HTR7: variants seen among roughly 807,000 people sequenced by gnomAD.
The protein encoded by HTR7 is 5-HT-7.
HTR7 carries 16 observed loss-of-function variants against 34.0 expected under a neutral mutation model. The observed-to-expected ratio is 0.47, with a 90% CI of 0.32 to 0.71. HTR7 has a LOEUF of 0.71. Ranked by LOEUF, HTR7 falls within the 30% of genes least tolerant of loss-of-function variation. The pLI, the probability that HTR7 is intolerant of heterozygous loss-of-function variation, is 0.04. For synonymous variants in HTR7, 265 were observed against 260.2 expected, an observed-to-expected ratio of 1.02 and a Z score of -0.18; for missense variants, 504 against 625.5, an observed-to-expected ratio of 0.81 and a Z score of 2.07.
At chr10:90,756,826 G>A (rs1281704962) in intron 1 of HTR7, among the ~76,000 whole-genome samples, 2 of 150,660 alleles carry the variant, frequency 1.3e-5, no homozygotes, top group African/African-American at 4.9e-5. Flanking sequence ...ACACCACCAA[G>A]GAAAACCCTG....
rs528442305 is a variant in HTR7 at position 90,751,256 on chromosome 10, C to T, written c.540-1662G>A. On this transcript the variant is annotated intron_variant, in intron 1 of 3. Transcript: ENST00000336152. ...GCAAGAATAAGAGCTAAGAAAAAGG[C>T]GGGCAGTGCGGGGGAAAGTAACTCA... Among the ~76,000 whole-genome samples the T allele has an allele frequency of 3.3e-5, 5 of 151,988 alleles. No individual in the cohort carries two copies. The South Asian group carries it at 6.2e-4, about 19-fold the overall frequency.
intron 1 of HTR7, among the ~76,000 whole-genome samples, chr10:90,804,628 G>T (rs1339997002): frequency 6.6e-6 from 1 of 152,102 alleles, no homozygotes; most frequent in Non-Finnish European, 1.5e-5. Context: ...GAGTTCAAAG[G>T]CCAGAAATAT....
chr10:90,785,332 GTGTT>G (rs2119859622), intron 1 of HTR7, among the ~76,000 whole-genome samples: 1 of 152,070 alleles, frequency 6.6e-6, no homozygotes, highest in East Asian at 1.9e-4. Flanking sequence ...AACATCAAAA[GTGTT>G]TGATCACTCA....
chr10:90,828,144 C>A (rs1056939355), intron 1 of HTR7, among the ~76,000 whole-genome samples: 22 of 152,010 alleles, frequency 1.4e-4, no homozygotes, highest in African/African-American at 5.1e-4. Flanking sequence ...AGAAGCAAAT[C>A]AAAAAATTTA....
chr10:90,848,626 C>A (rs112209380), intron 1 of HTR7, among the ~76,000 whole-genome samples: 1 of 152,084 alleles, frequency 6.6e-6, no homozygotes, highest in Admixed American at 6.5e-5. Flanking sequence ...TTGAATAAAT[C>A]GACCATAAGT....
intron 1 of HTR7, among the ~76,000 whole-genome samples, chr10:90,821,071 C>A (rs1213495854): frequency 2.0e-5 from 3 of 151,834 alleles, no homozygotes; most frequent in Non-Finnish European, 4.4e-5. Context: ...CACCAATCAT[C>A]CTCCCTGAAG....
At chr10:90,851,036 G>T (rs1262292391) in intron 1 of HTR7, among the ~76,000 whole-genome samples, 1 of 151,630 alleles carries the variant, frequency 6.6e-6, no homozygotes, top group African/African-American at 2.4e-5. Flanking sequence ...CCCAAACAGG[G>T]TTAACAGTAA....
At chr10:90,787,566 G>A (rs1324671575) in intron 1 of HTR7, among the ~76,000 whole-genome samples, 1 of 152,058 alleles carries the variant, frequency 6.6e-6, no homozygotes, top group Admixed American at 6.5e-5. Context: ...GGTAGCTGTG[G>A]GTGGGGATTT....
In HTR7 at chr10:90,857,124, G is replaced by A. The variant is rs991474663; in HGVS notation, c.539+9C>T. The A allele has an allele frequency of 6.4e-7, 1 of 1,559,126 alleles. No individual in the cohort carries two copies. Among genetic ancestry groups the A allele is most frequent in the African/African-American group, 1.4e-5 (1 of 73,932 alleles). ...GCCGGAGCCTGGGACGGGGCGGTCC[G>A]GCCCTTACCTGTCAATGCTGATCAC... On this transcript the variant is annotated intron_variant, in intron 1 of 3. Coordinates refer to ENST00000336152, the MANE Select transcript of HTR7 (RefSeq NM_019859.4). This position sits in a 1 kb window ranked among gnomAD's most constrained non-coding sequence, Gnocchi z 6.5.
chr10:90,792,908 GAAC>G (rs761749697), intron 1 of HTR7, among the ~76,000 whole-genome samples: 61 of 151,716 alleles, frequency 4.0e-4, no homozygotes, highest in Non-Finnish European at 7.1e-4. Context: ...CAAAAAAAAT[GAAC>G]TGAAGACCTA....
At chr10:90,784,922 T>C (rs999212821) in intron 1 of HTR7, among the ~76,000 whole-genome samples, 2 of 152,212 alleles carry the variant, frequency 1.3e-5, no homozygotes, top group African/African-American at 2.4e-5. Flanking sequence ...GCTTCCACCA[T>C]TGCACAGGCT....
intron 1 of HTR7, among the ~76,000 whole-genome samples, chr10:90,852,274 T>C (rs987510717): frequency 4.0e-5 from 6 of 150,786 alleles, no homozygotes; most frequent in Non-Finnish European, 7.4e-5. Flanking sequence ...AAGAAAATGA[T>C]CTCAGATGAA....
intron 1 of HTR7, among the ~76,000 whole-genome samples, chr10:90,823,823 T>A (rs568556618): frequency 1.3e-5 from 2 of 152,276 alleles, no homozygotes; most frequent in African/African-American, 4.8e-5. Context: ...GAGATCCAGT[T>A]GTTTGAAAGT....
At chr10:90,797,622 T>C (rs777840511) in intron 1 of HTR7, among the ~76,000 whole-genome samples, 22 of 152,240 alleles carry the variant, frequency 1.4e-4, no homozygotes, top group Non-Finnish European at 2.5e-4. Context: ...ATGATGCTAA[T>C]TCTCTGAAAA....
intron 1 of HTR7, among the ~76,000 whole-genome samples, chr10:90,822,080 G>A (rs1415959439): frequency 6.6e-6 from 1 of 152,138 alleles, no homozygotes; most frequent in Non-Finnish European, 1.5e-5. Context: ...GTGGGGCATT[G>A]CTATAAATAT....
Position 90,857,065 on chromosome 10 carries a change from G to A in HTR7, c.539+68C>T. On this transcript the variant is annotated intron_variant, in intron 1 of 3. Transcript: ENST00000336152. This position sits in a 1 kb window ranked among gnomAD's most constrained non-coding sequence, Gnocchi z 6.5. ...CTAGCTTGATCCTCCCAGGAAAGGC[G>A]AGCGCGCGGGGCTGAGCTGCCAGCC... is the stretch of plus-strand genomic sequence containing the variant. 1 of 1,401,638 alleles carries A rather than the reference G, an allele frequency of 7.1e-7. No homozygotes were observed. Among genetic ancestry groups the A allele is most frequent in the Non-Finnish European group, 9.5e-7 (1 of 1,047,822 alleles). The allele number at this position is 1,401,638 out of a possible 1,614,324, so 86.8% of individuals were successfully genotyped here. A position where few individuals can be genotyped will look rare whatever the true frequency, so the allele number is the denominator to read the frequency against.
In HTR7 at chr10:90,796,856, A is replaced by C. The variant is rs371514993; in HGVS notation, c.540-47262T>G. On this transcript the variant is annotated intron_variant, in intron 1 of 3. Coordinates refer to ENST00000336152, the MANE Select transcript of HTR7 (RefSeq NM_019859.4). The stretch of plus-strand genomic sequence containing the variant: ...ACCCCATCTCTACTAAAAATACAAA[A>C]ATAAAATTAGCCGGATGTGGTGGCA... 2.8e-4 allele frequency among the ~76,000 whole-genome samples: 43 copies of C among 152,066 alleles called. No homozygotes were observed. In the East Asian group the frequency reaches 4.1e-3, roughly 14 times the overall value.
chr10:90,842,333 T>C (rs1305226000), intron 1 of HTR7, among the ~76,000 whole-genome samples: 2 of 152,212 alleles, frequency 1.3e-5, no homozygotes, highest in Non-Finnish European at 2.9e-5. Context: ...TCCCAGCCTC[T>C]AGAACTGTGA....
chr10:90,807,224 T>C (rs1845718526), intron 1 of HTR7, among the ~76,000 whole-genome samples: 2 of 152,108 alleles, frequency 1.3e-5, no homozygotes, highest in Non-Finnish European at 2.9e-5. Context: ...AGGGTATTCT[T>C]AGAGAACAGC....
Sources: allele counts gnomAD v4.1 joint callset (sites outside exome capture counted in the v4.1 genomes callset), GRCh38; gene constraint gnomAD v4.1.1; non-coding constraint Gnocchi (gnomAD v3.1); transcripts MANE v1.5; gene names NCBI Gene and HGNC (gene_info 2026-07-23, HGNC 2026-07-21).